PDP1: variants seen among roughly 807,000 people sequenced by gnomAD.
PDP1 encodes pyruvate dehydrogenase phosphatase catalytic subunit 1, also known as pyruvate dehyrogenase phosphatase catalytic subunit 1.
A neutral mutation model predicts 37.1 loss-of-function variants in PDP1; 14 were observed. That is an observed-to-expected ratio of 0.38 (90% CI 0.25 to 0.59). PDP1 has a LOEUF of 0.59. Ranked by LOEUF, PDP1 falls within the 20% of genes least tolerant of loss-of-function variation. PDP1 has a pLI of 0.67. For missense variants in PDP1, 544 were observed against 655.3 expected (o/e 0.83, Z 1.85); for synonymous variants, 251 against 243.3 (o/e 1.03, Z -0.29).
In PDP1 at chr8:93,924,964, G is replaced by T. The variant is rs1225393727; in HGVS notation, c.*1291G>T. ...TATATTCAAATTGGCTTTTTGATAT[G>T]CATCAAGTGGCATTTTGTTCCTGTG... On this transcript the variant is annotated 3_prime_UTR_variant, in exon 2 of 2. Coordinates refer to ENST00000297598, the MANE Select transcript of PDP1 (RefSeq NM_018444.4). 6.0e-6 allele frequency: 1 copy of T among 166,924 alleles called. No homozygotes were observed. Among genetic ancestry groups the T allele is most frequent in the African/African-American group, 2.4e-5 (1 of 41,424 alleles). The allele number at this position is 166,924 out of a possible 1,614,324, so 10.3% of individuals were successfully genotyped here.
In PDP1 at chr8:93,922,807, G is replaced by A; in HGVS notation, c.748G>A (p.Glu250Lys). ...GAGGCTTGATAATGACATCTCCTTG[G>A]AGGCGCAAGTTGGTGATCCTAATTC... Reference protein sequence around the residue: ...FKRLDNDISLEAQVGDPNSFL... With the variant: ...FKRLDNDISLKAQVGDPNSFL... Residue 250 changes from glutamate (E) to lysine (K), a missense_variant, in exon 2 of 2, where the codon GAG (glutamate) becomes AAG (lysine). Coordinates refer to ENST00000297598, the MANE Select transcript of PDP1 (RefSeq NM_018444.4). This position sits in a 1 kb window ranked among gnomAD's most constrained non-coding sequence, Gnocchi z 4.0. The A allele has an allele frequency of 1.2e-6, 2 of 1,614,180 alleles. No individual in the cohort carries two copies. The highest frequency in any genetic ancestry group is 1.7e-6 in the Non-Finnish European group (2 of 1,180,028).
intron 1 of PDP1, chr8:93,921,079 T>C (rs1381384599): frequency 5.9e-5 from 57 of 965,798 alleles, no homozygotes; most frequent in Non-Finnish European, 6.8e-5. Flanking sequence ...AACTTTTTTT[T>C]TTTTTTTAAT....
At chr8:93,918,045 A>G in intron 1 of PDP1, 1 of 1,325,448 alleles carries the variant, frequency 7.5e-7, no homozygotes, top group Non-Finnish European at 1.1e-6. Context: ...GTATTAAGGG[A>G]TGAGATAGAT....
Position 93,923,432 on chromosome 8 carries a change from T to G in PDP1, c.1373T>G (p.Met458Arg), listed in dbSNP as rs1483038614. ...GGCTACAAGGTGACTCTGGGACAGA[T>G]GCATGGCCTTTTAACAGAAAGGAGA... ...VGGYKVTLGQ[M>R]HGLLTERRTK... Residue 458 changes from methionine (M) to arginine (R), a missense_variant, in exon 2 of 2, where the codon ATG becomes AGG. Met to Arg is a moderately conservative substitution (Grantham distance 91). Coordinates refer to ENST00000297598, the MANE Select transcript of PDP1 (RefSeq NM_018444.4). The surrounding 1 kb of genome is among the most constrained non-coding windows in gnomAD (Gnocchi z 4.3). The G allele has an allele frequency of 6.3e-7, 1 of 1,599,282 alleles. No homozygotes were observed.
In PDP1 at chr8:93,923,979, A is replaced by G. The variant is rs990822325; in HGVS notation, c.*306A>G. ...AAATTAGGATGACCTGGCAAATAAG[A>G]TCTTGAATAGGCCAAAAGCAAGTAT... On this transcript the variant is annotated 3_prime_UTR_variant, in exon 2 of 2. Coordinates refer to ENST00000297598, the MANE Select transcript of PDP1 (RefSeq NM_018444.4). This position sits in a 1 kb window ranked among gnomAD's most constrained non-coding sequence, Gnocchi z 4.3. 1.0e-5 allele frequency: 4 copies of G among 384,822 alleles called. No individual in the cohort carries two copies. The East Asian group carries it at 1.9e-4, about 19-fold the overall frequency. The allele number at this position is 384,822 out of a possible 1,614,324, so 23.8% of individuals were successfully genotyped here.
At position 93,916,986 on chromosome 8, in the gene PDP1, G is replaced by C. The variant is rs755429761; in HGVS notation, c.-138G>C. The C allele has an allele frequency of 2.1e-6, 1 of 470,266 alleles. No homozygotes were observed. 29.1% of individuals were successfully genotyped at this position (470,266 alleles called of 1,614,324 possible). On this transcript the variant is annotated 5_prime_UTR_variant, in exon 1 of 2. Coordinates refer to ENST00000297598, the MANE Select transcript of PDP1 (RefSeq NM_018444.4). ...GGGGGTGAGGGCTCGCGCTCCGGGA[G>C]CTGCACGGGGCTGCGTGGAAAGAGC...
chr8:93,919,038 T>C (rs1212413094), intron 1 of PDP1: 1 of 360,458 alleles, frequency 2.8e-6, no homozygotes, highest in Non-Finnish European at 3.9e-6. Context: ...AGCCTCTGCA[T>C]AACTGAAAGA....
chr8:93,917,993 G>T, intron 1 of PDP1: 1 of 1,609,752 alleles, frequency 6.2e-7, no homozygotes, highest in Non-Finnish European at 8.5e-7. Context: ...GAAGGATGGT[G>T]ACAGATTTTT....
In PDP1 at chr8:93,924,244, T is replaced by C. The variant is rs1810374192; in HGVS notation, c.*571T>C. ...TGTTTTTGTGATTATTTGACTGGAA[T>C]GCTTCTTAAGTGGAATAACTATACT... On this transcript the variant is annotated 3_prime_UTR_variant, in exon 2 of 2. Coordinates refer to ENST00000297598, the MANE Select transcript of PDP1 (RefSeq NM_018444.4). The C allele has an allele frequency of 5.9e-6, 1 of 168,514 alleles. No homozygotes were observed. The highest frequency in any genetic ancestry group is 1.4e-5 in the Non-Finnish European group (1 of 69,220). 10.4% of individuals were successfully genotyped at this position (168,514 alleles called of 1,614,324 possible). A position where few individuals can be genotyped will look rare whatever the true frequency, so the allele number is the denominator to read the frequency against.
Position 93,917,728 on chromosome 8 carries a change from C to A in PDP1, c.-45+649C>A, listed in dbSNP as rs1202049246. On this transcript the variant is annotated intron_variant, in intron 1 of 1. Transcript: ENST00000297598. ...CCCTTTATCCCTCCTCCATCCTCTT[C>A]CCCCCCACCTCCCAGCCCATTCACC... The A allele has an allele frequency of 5.5e-5, 64 of 1,170,798 alleles. 1 individual carries two copies. The South Asian group carries it at 6.3e-4, about 12-fold the overall frequency. The allele number at this position is 1,170,798 out of a possible 1,614,324, so 72.5% of individuals were successfully genotyped here. A position where few individuals can be genotyped will look rare whatever the true frequency, so the allele number is the denominator to read the frequency against.
At chr8:93,917,831 CT>C in intron 1 of PDP1, 1 of 1,609,992 alleles carries the variant, frequency 6.2e-7, no homozygotes, top group Non-Finnish European at 8.5e-7. Flanking sequence ...CTCTGCCTTG[CT>C]TTCAATGGGC....
intron 1 of PDP1, chr8:93,919,067 C>T (rs761719599): frequency 3.0e-5 from 19 of 636,958 alleles, no homozygotes; most frequent in Non-Finnish European, 3.5e-5. Flanking sequence ...ATAAAATTCA[C>T]TCTCTCATTT....
In PDP1 at chr8:93,923,292, G is replaced by A. The variant is rs374326474; in HGVS notation, c.1233G>A (p.Lys411=). The part of the protein sequence containing the change: ...VTYHRLRPQD[K]FLVLATDGLW... ...ACCACCGATTAAGGCCACAGGATAA[G>A]TTTCTGGTGTTGGCTACTGATGGGT... is the stretch of plus-strand genomic sequence containing the variant. Residue 411 remains lysine (K), a synonymous_variant, in exon 2 of 2, where the codon AAG becomes AAA. Coordinates refer to ENST00000297598, the MANE Select transcript of PDP1 (RefSeq NM_018444.4). This position sits in a 1 kb window ranked among gnomAD's most constrained non-coding sequence, Gnocchi z 4.3. 6.8e-6 allele frequency: 11 copies of A among 1,614,196 alleles called. No homozygotes were observed. The highest frequency in any genetic ancestry group is 3.4e-6 in the Non-Finnish European group (4 of 1,180,022).
At chr8:93,919,609 C>T (rs1005738724) in intron 1 of PDP1, among the ~76,000 whole-genome samples, 1 of 150,900 alleles carries the variant, frequency 6.6e-6, no homozygotes, top group African/African-American at 2.4e-5. Context: ...TCTATCAACC[C>T]TCCCTCCCCC....
chr8:93,921,973 G>T, intron 1 of PDP1, 43 bp from the exon 2 acceptor site: 1 of 1,343,066 alleles, frequency 7.4e-7, no homozygotes. Context: ...ATCCTGAAAT[G>T]TAACTCTTTC....
At position 93,923,446 on chromosome 8, in the gene PDP1, A is replaced by G; in HGVS notation, c.1387A>G (p.Thr463Ala). ...VTLGQMHGLL[T>A]ERRTKMSSVF... ...TCTGGGACAGATGCATGGCCTTTTA[A>G]CAGAAAGGAGAACCAAAATGTCCTC... Residue 463 changes from threonine to alanine, a missense_variant, in exon 2 of 2, where the codon ACA (threonine) becomes GCA (alanine). Thr to Ala is a moderately conservative substitution (Grantham distance 58, BLOSUM62 0). Transcript: ENST00000297598. The surrounding 1 kb of genome is among the most constrained non-coding windows in gnomAD (Gnocchi z 4.3). The G allele has an allele frequency of 1.9e-6, 3 of 1,597,040 alleles. No individual in the cohort carries two copies. Among genetic ancestry groups the G allele is most frequent in the Non-Finnish European group, 2.6e-6 (3 of 1,169,420 alleles).
chr8:93,917,034 G>GC lies in PDP1; in HGVS notation c.-85dup, dbSNP rs1164465605. The GC allele has an allele frequency of 6.3e-6, 3 of 476,680 alleles. No individual in the cohort carries two copies. Among genetic ancestry groups the GC allele is most frequent in the African/African-American group, 6.2e-5 (3 of 48,062 alleles). The allele number at this position is 476,680 out of a possible 1,614,324, so 29.5% of individuals were successfully genotyped here. ...AGCGCCGAGCGGTGGCGTCGTTGTC[G>GC]CCCCCTCCTCGTCGGGAAGAATCGT... On this transcript the variant is annotated 5_prime_UTR_variant, in exon 1 of 2. Coordinates refer to ENST00000297598, the MANE Select transcript of PDP1 (RefSeq NM_018444.4).
At position 93,923,520 on chromosome 8, in the gene PDP1, G is replaced by A. The variant is rs775848242; in HGVS notation, c.1461G>A (p.Val487=). ...NAATHLIRHA[V]GNNEFGTVDH... ...CAACCCATCTCATTCGCCACGCTGT[G>A]GGCAACAACGAGTTTGGGACTGTTG... Residue 487 remains valine, a synonymous_variant, in exon 2 of 2, where the codon GTG becomes GTA. Coordinates refer to ENST00000297598, the MANE Select transcript of PDP1 (RefSeq NM_018444.4). This position sits in a 1 kb window ranked among gnomAD's most constrained non-coding sequence, Gnocchi z 4.3. 1 of 1,607,778 alleles carries A rather than the reference G, an allele frequency of 6.2e-7. No individual in the cohort carries two copies. Among genetic ancestry groups the A allele is most frequent in the Admixed American group, 1.7e-5 (1 of 59,936 alleles).
Position 93,924,787 on chromosome 8 carries a change from A to G in PDP1, c.*1114A>G, listed in dbSNP as rs551427862. 1 of 167,198 alleles carries G rather than the reference A, an allele frequency of 6.0e-6. No individual in the cohort carries two copies. Among genetic ancestry groups the G allele is most frequent in the South Asian group, 2.1e-4 (1 of 4,832 alleles). 10.4% of individuals were successfully genotyped at this position (167,198 alleles called of 1,614,324 possible). ...TTAAACATATTGTAGCTTAAGATAT[A>G]TGTGTTAAGATATATACATGAGAAA... On this transcript the variant is annotated 3_prime_UTR_variant, in exon 2 of 2. Coordinates refer to ENST00000297598, the MANE Select transcript of PDP1 (RefSeq NM_018444.4).
Sources: gnomAD v4.1 joint callset for allele counts (sites outside exome capture counted in the v4.1 genomes callset) on GRCh38, gnomAD v4.1.1 for gene constraint, Gnocchi (gnomAD v3.1) non-coding constraint, MANE v1.5 for transcripts, NCBI Gene and HGNC (gene_info 2026-07-23, HGNC 2026-07-21) for gene names.